Variants in PTPRR observed in about 807,000 individuals in gnomAD.
The protein encoded by PTPRR is protein tyrosine phosphatase receptor type R.
In PTPRR, 38 loss-of-function variants were observed where a neutral mutation model predicts 77.2. That is an observed-to-expected ratio of 0.49 (90% CI 0.38 to 0.65). The LOEUF (loss-of-function observed/expected upper bound fraction) is 0.65, where lower values mean the gene tolerates loss of function less well. PTPRR is among the 30% of genes least tolerant of loss of function. The pLI is 0.00. For synonymous variants in PTPRR, 299 were observed against 283.1 expected, an observed-to-expected ratio of 1.06 and a Z score of -0.57; for missense variants, 744 against 799.2, an observed-to-expected ratio of 0.93 and a Z score of 0.83.
At position 70,639,030 on chromosome 12, in the gene PTPRR, T is replaced by C. The variant is rs1259585856; in HGVS notation, c.*154A>G. The C allele has an allele frequency of 7.5e-6, 5 of 667,382 alleles. No individual in the cohort carries two copies. In the East Asian group the frequency reaches 7.7e-5, roughly 10 times the overall value. The allele number at this position is 667,382 out of a possible 1,614,324, so 41.3% of individuals were successfully genotyped here. On this transcript the variant is annotated 3_prime_UTR_variant, in exon 14 of 14. Transcript: ENST00000283228. ...TCATATACACAAGGAGCTGGAAATC[T>C]TAAATATGTTGCCCAGTCTTCCACA...
chr12:70,771,505 C>A (rs1890976612), intron 2 of PTPRR, among the ~76,000 whole-genome samples: 1 of 152,010 alleles, frequency 6.6e-6, no homozygotes, highest in Non-Finnish European at 1.5e-5. Context: ...ATCCAGTGTT[C>A]CCATGTCGCA....
intron 6 of PTPRR, among the ~76,000 whole-genome samples, chr12:70,716,768 AG>A (rs1889047698): frequency 6.6e-6 from 1 of 152,200 alleles, no homozygotes; most frequent in South Asian, 2.1e-4. Flanking sequence ...GGATCACTTG[AG>A]CCCAGGAGTT....
chr12:70,796,560 C>T (rs1399636854), intron 2 of PTPRR, among the ~76,000 whole-genome samples: 1 of 152,140 alleles, frequency 6.6e-6, no homozygotes, highest in Admixed American at 6.6e-5. Flanking sequence ...TGTATTAGAT[C>T]CCTGCCCTGT....
intron 2 of PTPRR, among the ~76,000 whole-genome samples, chr12:70,828,527 A>C (rs1361951526): frequency 6.6e-6 from 1 of 152,206 alleles, no homozygotes; most frequent in Non-Finnish European, 1.5e-5. Context: ...ACATTTCCAC[A>C]AGACTCATAA....
intron 2 of PTPRR, among the ~76,000 whole-genome samples, chr12:70,856,051 T>C (rs1365263804): frequency 6.6e-6 from 1 of 152,154 alleles, no homozygotes; most frequent in Admixed American, 6.6e-5. Context: ...AGGACTGTTT[T>C]AGAATAACTT....
At chr12:70,872,337 T>C (rs1431487921) in intron 2 of PTPRR, among the ~76,000 whole-genome samples, 1 of 152,028 alleles carries the variant, frequency 6.6e-6, no homozygotes, top group Non-Finnish European at 1.5e-5. Context: ...GCATACAATA[T>C]ATTGCCCATA....
intron 1 of PTPRR, among the ~76,000 whole-genome samples, chr12:70,903,128 T>C (rs1459349606): frequency 6.6e-6 from 1 of 151,654 alleles, no homozygotes; most frequent in African/African-American, 2.4e-5. Flanking sequence ...TGAGGAGTTG[T>C]TGGTTAAAGG....
chr12:70,734,683 G>A (rs1889801805), intron 6 of PTPRR, among the ~76,000 whole-genome samples: 1 of 152,116 alleles, frequency 6.6e-6, no homozygotes, highest in African/African-American at 2.4e-5. Flanking sequence ...GAAAGGAAAG[G>A]AGCAATTACT....
chr12:70,735,752 T>G (rs911180905), intron 6 of PTPRR, among the ~76,000 whole-genome samples: 1 of 152,222 alleles, frequency 6.6e-6, no homozygotes, highest in Non-Finnish European at 1.5e-5. Flanking sequence ...TAAGTCTCTC[T>G]GTTAGCATAA....
intron 6 of PTPRR, among the ~76,000 whole-genome samples, chr12:70,729,951 T>C (rs1889594488): frequency 2.6e-5 from 2 of 77,266 alleles, no homozygotes; most frequent in African/African-American, 6.8e-5. Flanking sequence ...TTTTTCATAA[T>C]GTCATTTGAT....
At position 70,705,722 on chromosome 12, in the gene PTPRR, AT is replaced by A. The variant is rs35564239; in HGVS notation, c.1008-4400del. Among the ~76,000 whole-genome samples, 928 of 148,834 alleles carry A rather than the reference AT, an allele frequency of 6.2e-3. 1 individual carries two copies. Among genetic ancestry groups the A allele is most frequent in the Non-Finnish European group, 9.9e-3 (661 of 66,878 alleles). On this transcript the variant is annotated intron_variant, in intron 6 of 13. Coordinates refer to ENST00000283228, the MANE Select transcript of PTPRR (RefSeq NM_002849.4). ...AAAGCAAACAGATTTGACTTCCGAGATTTTTTTTTTTGGTTCTGTGAAAAGT... is the reference window on the plus strand; with the variant it reads ...AAAGCAAACAGATTTGACTTCCGAGATTTTTTTTTTGGTTCTGTGAAAAGT...
At chr12:70,814,623 G>A (rs1489842035) in intron 2 of PTPRR, among the ~76,000 whole-genome samples, 1 of 152,168 alleles carries the variant, frequency 6.6e-6, no homozygotes, top group Non-Finnish European at 1.5e-5. Context: ...TCTGGGAGTA[G>A]AGGGGGCCGG....
chr12:70,673,675 T>A (rs1277975367), intron 10 of PTPRR, among the ~76,000 whole-genome samples: 1 of 152,188 alleles, frequency 6.6e-6, no homozygotes, highest in Non-Finnish European at 1.5e-5. Context: ...AGGGCATGAA[T>A]GCACTTTGAA....
intron 2 of PTPRR, among the ~76,000 whole-genome samples, chr12:70,869,139 C>G (rs2137088966): frequency 6.6e-6 from 1 of 151,758 alleles, no homozygotes; most frequent in East Asian, 1.9e-4. Context: ...ACATATGTAA[C>G]AAACCTGCAC....
intron 6 of PTPRR, among the ~76,000 whole-genome samples, chr12:70,736,660 C>T (rs1183525246): frequency 1.3e-5 from 2 of 152,156 alleles, no homozygotes; most frequent in Non-Finnish European, 2.9e-5. Flanking sequence ...GTCAACAGGG[C>T]ATACTGAGTT....
At chr12:70,904,533 G>C (rs1893590670) in intron 1 of PTPRR, among the ~76,000 whole-genome samples, 1 of 151,832 alleles carries the variant, frequency 6.6e-6, no homozygotes. Flanking sequence ...GTGGTTATTT[G>C]GGTGTAGGAG....
intron 6 of PTPRR, among the ~76,000 whole-genome samples, chr12:70,720,178 C>T (rs530243893): frequency 6.6e-6 from 1 of 152,132 alleles, no homozygotes; most frequent in Admixed American, 6.5e-5. Flanking sequence ...GTGCCTTAGT[C>T]ATTAGGGGAA....
rs572842373 is a variant in PTPRR, at chr12:70,684,124, T to C, written c.1497+3A>G. 9 of 1,613,620 alleles carry C rather than the reference T, an allele frequency of 5.6e-6. No homozygotes were observed. The highest frequency in any genetic ancestry group is 1.7e-5 in the Admixed American group (1 of 59,996). On this transcript the variant is annotated splice_donor_region_variant and intron_variant, in intron 10 of 13. Coordinates refer to ENST00000283228, the MANE Select transcript of PTPRR (RefSeq NM_002849.4). ...ACATTCAGAACTTGATTAAAGATCA[T>C]ACCTCATTTTTTTCTTTGAGTTTTG...
intron 6 of PTPRR, among the ~76,000 whole-genome samples, chr12:70,705,893 TAC>T (rs1888602125): frequency 6.6e-6 from 1 of 152,120 alleles, no homozygotes; most frequent in Admixed American, 6.6e-5. Flanking sequence ...CCTTGTGTGT[TAC>T]AGTGGCCATG....
Sources: allele counts gnomAD v4.1 joint callset (sites outside exome capture counted in the v4.1 genomes callset), GRCh38; gene constraint gnomAD v4.1.1; transcripts MANE v1.5; gene names NCBI Gene and HGNC (gene_info 2026-07-23, HGNC 2026-07-21).